Variants in PTPRD observed in about 807,000 individuals in gnomAD.
PTPRD encodes the protein receptor-type tyrosine-protein phosphatase delta.
Under a neutral mutation model 214.5 loss-of-function variants are expected in PTPRD, and 34 were observed. That is an observed-to-expected ratio of 0.16 (90% CI 0.12 to 0.21). The LOEUF is 0.21. PTPRD is among the 10% of genes least tolerant of loss of function. The pLI is 1.00. For missense variants in PTPRD, 2,545 were observed against 2,398.7 expected (o/e 1.06, Z -1.27); for synonymous variants, 1,128 against 845.7 (o/e 1.33, Z -5.79).
chr9:8,443,816 A>C (rs978498216), intron 34 of PTPRD, among the ~76,000 whole-genome samples: 16 of 152,172 alleles, frequency 1.1e-4, no homozygotes, highest in Admixed American at 8.5e-4. Context: ...CTTTGTACTG[A>C]AAAGAAAGTG....
intron 10 of PTPRD, among the ~76,000 whole-genome samples, chr9:9,176,132 G>A (rs2099924690): frequency 6.6e-6 from 1 of 152,160 alleles, no homozygotes; most frequent in Admixed American, 6.5e-5. Flanking sequence ...AATAGTTGAA[G>A]AGCATGAGGC....
rs146807692 is a variant in PTPRD at position 8,500,558 on chromosome 9, G to GAAAAAAAAAAAAAAAAAAAAAA, written c.2128+174_2128+195dup. ...TTACTGCATTGAGATTGAAAAAAAT[G>GAAAAAAAAAAAAAAAAAAAAAA]AAAAAAAAAAAAAAAAAAAAAAAAA... On this transcript the variant is annotated intron_variant, in intron 24 of 45. Coordinates refer to ENST00000381196, the MANE Select transcript of PTPRD (RefSeq NM_002839.4). 3.5e-4 allele frequency among the ~76,000 whole-genome samples: 5 copies of GAAAAAAAAAAAAAAAAAAAAAA among 14,316 alleles called. 1 individual carries two copies. Among genetic ancestry groups the GAAAAAAAAAAAAAAAAAAAAAA allele is most frequent in the Non-Finnish European group, 4.6e-4 (4 of 8,718 alleles). 9.4% of individuals were successfully genotyped at this position (14,316 alleles called of 152,430 possible).
At chr9:9,583,315 CTCTT>C (rs1475826767) in intron 7 of PTPRD, among the ~76,000 whole-genome samples, 2 of 151,918 alleles carry the variant, frequency 1.3e-5, no homozygotes, top group African/African-American at 2.4e-5. Context: ...AATATTTTGA[CTCTT>C]AGGCATTACT....
chr9:9,038,721 AT>A (rs2099630025), intron 10 of PTPRD, among the ~76,000 whole-genome samples: 1 of 151,490 alleles, frequency 6.6e-6, no homozygotes, highest in Admixed American at 6.6e-5. Flanking sequence ...CGCCCAGCTA[AT>A]TTTTTTGTAT....
intron 11 of PTPRD, among the ~76,000 whole-genome samples, chr9:8,940,692 C>A (rs1465174900): frequency 3.3e-5 from 5 of 151,970 alleles, no homozygotes; most frequent in Non-Finnish European, 5.9e-5. Flanking sequence ...TAATGGTTGA[C>A]CTGCTGGTTG....
At chr9:8,772,095 A>G (rs1299235970) in intron 11 of PTPRD, among the ~76,000 whole-genome samples, 1 of 152,074 alleles carries the variant, frequency 6.6e-6, no homozygotes, top group East Asian at 1.9e-4. Flanking sequence ...CTATGTGCCC[A>G]CAAAAATTAA....
intron 9 of PTPRD, among the ~76,000 whole-genome samples, chr9:9,321,799 T>C (rs769833508): frequency 8.5e-5 from 13 of 152,148 alleles, no homozygotes; most frequent in Non-Finnish European, 1.8e-4. Context: ...CATATGGTTG[T>C]TGAGAGGATT....
chr9:10,306,785 T>C (rs980169479), intron 3 of PTPRD, among the ~76,000 whole-genome samples: 1 of 152,166 alleles, frequency 6.6e-6, no homozygotes, highest in African/African-American at 2.4e-5. Flanking sequence ...GTGTGTATTC[T>C]AAATGAACTC....
At chr9:8,661,539 TAA>T (rs1261878735) in intron 12 of PTPRD, among the ~76,000 whole-genome samples, 2 of 152,172 alleles carry the variant, frequency 1.3e-5, no homozygotes, top group Non-Finnish European at 2.9e-5. Flanking sequence ...AAGTTCACTT[TAA>T]AAGTTTAACA....
intron 3 of PTPRD, among the ~76,000 whole-genome samples, chr9:10,325,058 C>T (rs2096619157): frequency 6.6e-6 from 1 of 152,000 alleles, no homozygotes. Flanking sequence ...TACTCAGGTC[C>T]AGGTGGCTCT....
chr9:8,440,011 G>C (rs916940222), intron 34 of PTPRD, among the ~76,000 whole-genome samples: 15 of 139,994 alleles, frequency 1.1e-4, no homozygotes, highest in African/African-American at 3.7e-4. Context: ...GTGGATGTGG[G>C]AGCTATATAT....
chr9:8,733,716 G>T, intron 12 of PTPRD, 64 bp downstream of exon 12: 1 of 1,506,064 alleles, frequency 6.6e-7, no homozygotes. Flanking sequence ...TGAGCCTGGT[G>T]CCAACTGCAA....
chr9:8,748,232 T>A (rs2093066180), intron 11 of PTPRD, among the ~76,000 whole-genome samples: 1 of 152,094 alleles, frequency 6.6e-6, no homozygotes, highest in Admixed American at 6.5e-5. Flanking sequence ...CTAGGCGGAA[T>A]AAGAATCCCT....
intron 9 of PTPRD, among the ~76,000 whole-genome samples, chr9:9,308,229 C>T (rs1464458247): frequency 6.6e-6 from 1 of 152,006 alleles, no homozygotes; most frequent in Non-Finnish European, 1.5e-5. Flanking sequence ...GTAATATCAC[C>T]AACTAATGAC....
chr9:10,411,174 G>T (rs543388694), intron 2 of PTPRD, among the ~76,000 whole-genome samples: 4 of 151,702 alleles, frequency 2.6e-5, no homozygotes, highest in Non-Finnish European at 1.5e-5. Context: ...AATTCTAAGT[G>T]AACTTCTAAG....
intron 3 of PTPRD, among the ~76,000 whole-genome samples, chr9:10,118,496 A>C (rs922469488): frequency 3.3e-5 from 5 of 151,770 alleles, no homozygotes; most frequent in Non-Finnish European, 7.4e-5. Context: ...CATAATAAAG[A>C]TTCAACATAT....
At chr9:9,230,016 T>C (rs182697274) in intron 9 of PTPRD, among the ~76,000 whole-genome samples, 20 of 152,290 alleles carry the variant, frequency 1.3e-4, no homozygotes, top group Admixed American at 1.1e-3. Context: ...ACTTAAGTAA[T>C]AGCAATAGAT....
chr9:10,209,388 T>C (rs1399884867), intron 3 of PTPRD, among the ~76,000 whole-genome samples: 1 of 152,208 alleles, frequency 6.6e-6, no homozygotes, highest in Non-Finnish European at 1.5e-5. Context: ...ATTTTTTAAA[T>C]TATACTTCTG....
intron 44 of PTPRD, among the ~76,000 whole-genome samples, chr9:8,327,662 TG>T (rs1835333758): frequency 6.6e-6 from 1 of 152,148 alleles, no homozygotes; most frequent in Non-Finnish European, 1.5e-5. Flanking sequence ...TATTATTGTG[TG>T]GGAGTCTAAG....
Sources: gnomAD v4.1 joint callset for allele counts (sites outside exome capture counted in the v4.1 genomes callset) on GRCh38, gnomAD v4.1.1 for gene constraint, MANE v1.5 for transcripts, NCBI Gene and HGNC (gene_info 2026-07-23, HGNC 2026-07-21) for gene names.